ERC2: variants seen among roughly 807,000 people sequenced by gnomAD.
ERC2 encodes ELKS/RAB6-interacting/CAST family member 2, also known as ERC protein 2.
In ERC2, 42 loss-of-function variants were observed where a neutral mutation model predicts 114.8. That is an observed-to-expected ratio of 0.37 (90% CI 0.29 to 0.47). The LOEUF (loss-of-function observed/expected upper bound fraction) is 0.47, where lower values mean the gene tolerates loss of function less well. Ranked by LOEUF, ERC2 falls within the 20% of genes least tolerant of loss-of-function variation. The pLI is 0.99. For missense variants in ERC2, 939 were observed against 1,150.7 expected, an observed-to-expected ratio of 0.82 and a Z score of 2.66; for synonymous variants, 454 against 425.5, an observed-to-expected ratio of 1.07 and a Z score of -0.82.
At chr3:55,670,007 A>G (rs1428485340) in intron 17 of ERC2, among the ~76,000 whole-genome samples, 1 of 152,224 alleles carries the variant, frequency 6.6e-6, no homozygotes, top group Non-Finnish European at 1.5e-5. Flanking sequence ...AATAAAAACA[A>G]CAAGGCTAGT....
At chr3:56,145,582 A>C (rs2081094121) in intron 5 of ERC2, among the ~76,000 whole-genome samples, 1 of 152,102 alleles carries the variant, frequency 6.6e-6, no homozygotes, top group African/African-American at 2.4e-5. Flanking sequence ...CGAGAGTTAC[A>C]CATCTGAGAT....
At chr3:55,854,107 G>A (rs11711531) in intron 14 of ERC2, among the ~76,000 whole-genome samples, 1 of 151,904 alleles carries the variant, frequency 6.6e-6, no homozygotes. Flanking sequence ...AAAACCCGTC[G>A]CTACTAAAAA....
At chr3:56,306,281 A>G (rs1352687694) in intron 2 of ERC2, among the ~76,000 whole-genome samples, 1 of 152,196 alleles carries the variant, frequency 6.6e-6, no homozygotes, top group Non-Finnish European at 1.5e-5. Flanking sequence ...GCCCTAAAGA[A>G]ATACTTGTAC....
At chr3:56,431,353 A>G (rs908624285) in intron 2 of ERC2, among the ~76,000 whole-genome samples, 1 of 152,132 alleles carries the variant, frequency 6.6e-6, no homozygotes, top group South Asian at 2.1e-4. Flanking sequence ...ACTCCCTTCA[A>G]TTATGTCACT....
At chr3:56,338,925 G>C (rs1371503174) in intron 2 of ERC2, among the ~76,000 whole-genome samples, 1 of 152,208 alleles carries the variant, frequency 6.6e-6, no homozygotes, top group Non-Finnish European at 1.5e-5. Context: ...GGGCAAAAGG[G>C]CTGAGAGTTG....
intron 5 of ERC2, among the ~76,000 whole-genome samples, chr3:56,144,938 A>G (rs768613816): frequency 3.3e-5 from 5 of 152,236 alleles, no homozygotes; most frequent in Non-Finnish European, 7.3e-5. Context: ...GCAATCGAAC[A>G]TACATGAGAA....
chr3:56,134,714 C>T (rs1210028376), intron 6 of ERC2, among the ~76,000 whole-genome samples: 1 of 152,068 alleles, frequency 6.6e-6, no homozygotes, highest in Non-Finnish European at 1.5e-5. Flanking sequence ...TGTTAATGAA[C>T]GGGTTCTCAA....
At chr3:55,735,526 C>G (rs1227388950) in intron 14 of ERC2, among the ~76,000 whole-genome samples, 1 of 152,196 alleles carries the variant, frequency 6.6e-6, no homozygotes, top group Non-Finnish European at 1.5e-5. Context: ...AACCTGCTCT[C>G]TCAAGAACTA....
At chr3:56,387,908 G>A (rs1251928083) in intron 2 of ERC2, among the ~76,000 whole-genome samples, 2 of 152,032 alleles carry the variant, frequency 1.3e-5, no homozygotes, top group African/African-American at 2.4e-5. Flanking sequence ...GGTGTGTTAG[G>A]GAAAGTTAAA....
intron 2 of ERC2, among the ~76,000 whole-genome samples, chr3:56,402,714 G>C (rs2060566800): frequency 6.6e-6 from 1 of 152,126 alleles, no homozygotes; most frequent in Admixed American, 6.5e-5. Context: ...TATTTTATTA[G>C]CAGTAAGGTT....
intron 3 of ERC2, among the ~76,000 whole-genome samples, chr3:56,240,002 C>A (rs2051221313): frequency 6.6e-6 from 1 of 152,166 alleles, no homozygotes; most frequent in Non-Finnish European, 1.5e-5. Context: ...AACATTAAAC[C>A]TTTTACAAAC....
chr3:56,138,324 T>C (rs2080644779), intron 6 of ERC2, among the ~76,000 whole-genome samples: 2 of 152,094 alleles, frequency 1.3e-5, no homozygotes, highest in Admixed American at 1.3e-4. Flanking sequence ...CCTCCCAAAG[T>C]GTTGGGATTA....
chr3:56,244,420 C>T (rs537961684), intron 3 of ERC2, among the ~76,000 whole-genome samples: 1 of 152,092 alleles, frequency 6.6e-6, no homozygotes, highest in Non-Finnish European at 1.5e-5. Context: ...AACTGTAAAA[C>T]AGCCTCAGGC....
At chr3:55,757,004 T>C (rs1007667250) in intron 14 of ERC2, among the ~76,000 whole-genome samples, 9 of 152,214 alleles carry the variant, frequency 5.9e-5, no homozygotes, top group Non-Finnish European at 1.2e-4. Flanking sequence ...TTTGCTAATA[T>C]GCTGATATAC....
At chr3:55,791,912 G>C (rs183844756) in intron 14 of ERC2, among the ~76,000 whole-genome samples, 199 of 152,264 alleles carry the variant, frequency 1.3e-3, no homozygotes, top group African/African-American at 4.6e-3. Context: ...CTCTGCAAGA[G>C]TAAGGAGTAT....
chr3:56,126,524 G>A (rs374291381), intron 6 of ERC2, among the ~76,000 whole-genome samples: 8 of 152,312 alleles, frequency 5.3e-5, no homozygotes, highest in African/African-American at 1.9e-4. Flanking sequence ...GTGAGAGGTT[G>A]AGGCACAAGG....
chr3:55,752,288 G>A (rs2066752783), intron 14 of ERC2, among the ~76,000 whole-genome samples: 1 of 152,286 alleles, frequency 6.6e-6, no homozygotes, highest in Admixed American at 6.5e-5. Context: ...CAGCTAAGGG[G>A]TCTATTTCTA....
chr3:55,966,634 G>A (rs1159499614), intron 12 of ERC2, among the ~76,000 whole-genome samples: 4 of 152,166 alleles, frequency 2.6e-5, no homozygotes, highest in Non-Finnish European at 2.9e-5. Flanking sequence ...GCTAGAGGGA[G>A]GCAGTGCTGG....
rs752582537 is a variant in ERC2, at chr3:56,435,000, C to A, written c.8G>T (p.Gly3Val). ...CAGATTGGTGATTGTTCTTGCACTT[C>A]CATACATTTTTCTTGTATTATGAGG... MY[G>V]SARTITNLEG... The change falls in exon 2 of 18, where the codon GGA becomes GTA. Residue 3 changes from glycine (G) to valine (V), a missense_variant. By Grantham distance (109) the Gly-to-Val change is moderately radical. This residue lies in a region of ERC2 where 281 missense variants were observed against 307.4 expected (regional missense o/e 0.91). Coordinates refer to ENST00000288221, the MANE Select transcript of ERC2 (RefSeq NM_015576.3). 1.9e-6 allele frequency: 3 copies of A among 1,606,872 alleles called. No homozygotes were observed. In the South Asian group the frequency reaches 3.3e-5, roughly 18 times the overall value.
Sources: gnomAD v4.1 joint callset for allele counts (sites outside exome capture counted in the v4.1 genomes callset) on GRCh38, gnomAD v4.1.1 for gene constraint, gnomAD v4.1.1 regional missense constraint, MANE v1.5 for transcripts, NCBI Gene and HGNC (gene_info 2026-07-23, HGNC 2026-07-21) for gene names.